OTUD7B: variants seen among roughly 807,000 people sequenced by gnomAD.
The protein encoded by OTUD7B is OTU domain-containing protein 7B.
Under a neutral mutation model 82.2 loss-of-function variants are expected in OTUD7B, and 34 were observed. The ratio of observed to expected loss-of-function variants is 0.41; its 90% confidence interval spans 0.31 to 0.55. The LOEUF is 0.55. Among genes scored for constraint, OTUD7B ranks in the 20% least tolerant of loss-of-function variants. The pLI, the probability that OTUD7B is intolerant of heterozygous loss-of-function variation, is 0.20. For missense variants in OTUD7B, 944 were observed against 1,062.1 expected (o/e 0.89, Z 1.55); for synonymous variants, 398 against 402.7 (o/e 0.99, Z 0.14).
At chr1:149,947,617 AAAATGGG>A (rs1553772457) in intron 10 of OTUD7B, among the ~76,000 whole-genome samples, 1 of 152,234 alleles carries the variant, frequency 6.6e-6, no homozygotes, top group African/African-American at 2.4e-5. Context: ...CAGTGTCTGG[AAAATGGG>A]AAATACTAGA....
chr1:149,951,218 G>A (rs868961896), intron 7 of OTUD7B, among the ~76,000 whole-genome samples: 12 of 151,846 alleles, frequency 7.9e-5, no homozygotes, highest in East Asian at 1.9e-4. Flanking sequence ...TGATCCGCCC[G>A]CCTCGGCCTC....
chr1:150,011,684 C>G (rs918666089), upstream of OTUD7B, among the ~76,000 whole-genome samples: 1 of 152,188 alleles, frequency 6.6e-6, no homozygotes, highest in Non-Finnish European at 1.5e-5. Flanking sequence ...AAACACAAAA[C>G]GATGCCAACC....
chr1:149,948,105 G>A lies in OTUD7B; in HGVS notation c.1239-770C>T, dbSNP rs587722923. Among the ~76,000 whole-genome samples, 4 of 149,774 alleles carry A rather than the reference G, an allele frequency of 2.7e-5. No individual in the cohort carries two copies. In the East Asian group the frequency reaches 8.0e-4, roughly 30 times the overall value. ...AGTTATTCTCCTGCCTCAGCCTCCC[G>A]AGTAGATGGGATTATAGACATGCAC... On this transcript the variant is annotated intron_variant, in intron 10 of 11. Coordinates refer to ENST00000581312, the MANE Select transcript of OTUD7B (RefSeq NM_020205.4).
intron 1 of OTUD7B, among the ~76,000 whole-genome samples, chr1:149,984,397 A>G (rs1453051200): frequency 6.6e-6 from 1 of 152,184 alleles, no homozygotes; most frequent in African/African-American, 2.4e-5. Flanking sequence ...TGGCTTATAT[A>G]TAAGATGAAC....
At chr1:149,951,306 G>A (rs1046538310) in intron 7 of OTUD7B, among the ~76,000 whole-genome samples, 5 of 150,670 alleles carry the variant, frequency 3.3e-5, no homozygotes, top group East Asian at 2.0e-4. Context: ...GGGTTTCACC[G>A]TGTTGGCCAG....
the OTUD7B span, among the ~76,000 whole-genome samples, chr1:150,039,809 T>A: frequency 6.6e-6 from 1 of 152,230 alleles, no homozygotes; most frequent in African/African-American, 2.4e-5. Flanking sequence ...ATTTTTTCAT[T>A]AGTTATTGTG....
intron 7 of OTUD7B, among the ~76,000 whole-genome samples, chr1:149,951,522 T>C (rs1477506094): frequency 6.6e-6 from 1 of 152,184 alleles, no homozygotes; most frequent in East Asian, 1.9e-4. Context: ...TCCACTTCAT[T>C]ATCCACTGGA....
At chr1:149,958,040 G>T (rs1553774917) in intron 7 of OTUD7B, among the ~76,000 whole-genome samples, 1 of 152,168 alleles carries the variant, frequency 6.6e-6, no homozygotes, top group Non-Finnish European at 1.5e-5. Context: ...TATACCCACT[G>T]TCCAACAAGC....
chr1:150,067,585 C>T, the OTUD7B span: 1 of 460,162 alleles, frequency 2.2e-6, no homozygotes, highest in East Asian at 3.5e-5. Flanking sequence ...GAGTCCGGGC[C>T]TCAGGCATCT....
At chr1:150,007,061 C>T (rs587597095) in intron 1 of OTUD7B, among the ~76,000 whole-genome samples, 1 of 152,304 alleles carries the variant, frequency 6.6e-6, no homozygotes, top group Admixed American at 6.5e-5. Context: ...CTGCTCTACT[C>T]ATGACTTGCC....
At chr1:150,030,335 T>C in the OTUD7B span, among the ~76,000 whole-genome samples, 22,425 of 152,048 alleles carry the variant, frequency 0.15, 1,819 homozygotes, top group African/African-American at 0.17. Context: ...TCTATCCTTA[T>C]CTCACACAAG....
the OTUD7B span, among the ~76,000 whole-genome samples, chr1:150,047,319 C>T: frequency 6.6e-6 from 1 of 152,162 alleles, no homozygotes; most frequent in African/African-American, 2.4e-5. Context: ...GCAAATGATT[C>T]CCTAACCACC....
At chr1:150,053,008 C>T in the OTUD7B span, among the ~76,000 whole-genome samples, 1 of 152,094 alleles carries the variant, frequency 6.6e-6, no homozygotes, top group Non-Finnish European at 1.5e-5. Context: ...AAACTGGACT[C>T]CTTCTTTACA....
the OTUD7B span, among the ~76,000 whole-genome samples, chr1:150,031,708 G>A: frequency 2.6e-5 from 4 of 152,134 alleles, no homozygotes; most frequent in African/African-American, 9.7e-5. Flanking sequence ...CCACCTTCCA[G>A]CTCTTTGACC....
chr1:149,996,521 A>G (rs1390402046), intron 1 of OTUD7B, among the ~76,000 whole-genome samples: 1 of 152,176 alleles, frequency 6.6e-6, no homozygotes, highest in Non-Finnish European at 1.5e-5. Flanking sequence ...TCTAAATCCT[A>G]CCTGTTACTT....
chr1:149,945,283 G>A (rs1647634125), intron 11 of OTUD7B, among the ~76,000 whole-genome samples: 1 of 152,218 alleles, frequency 6.6e-6, no homozygotes, highest in African/African-American at 2.4e-5. Context: ...GTCATGATGA[G>A]GGAAGGGTCA....
chr1:150,046,302 T>C, the OTUD7B span, among the ~76,000 whole-genome samples: 5 of 152,054 alleles, frequency 3.3e-5, no homozygotes, highest in African/African-American at 9.7e-5. Flanking sequence ...AACATCTCCA[T>C]CTCCCTGGCT....
intron 1 of OTUD7B, among the ~76,000 whole-genome samples, chr1:150,010,225 G>A (rs1652948961): frequency 1.3e-5 from 2 of 152,170 alleles, no homozygotes; most frequent in Admixed American, 1.3e-4. Flanking sequence ...AGAGCGCGGG[G>A]TAGGAACGCA....
chr1:149,958,566 G>T (rs1388345260), intron 7 of OTUD7B, among the ~76,000 whole-genome samples: 1 of 151,304 alleles, frequency 6.6e-6, no homozygotes, highest in African/African-American at 2.4e-5. Flanking sequence ...CGCCCACCTC[G>T]GCCTCCCAAA....
Sources: gnomAD v4.1 joint callset for allele counts (sites outside exome capture counted in the v4.1 genomes callset) on GRCh38, gnomAD v4.1.1 for gene constraint, MANE v1.5 for transcripts, NCBI Gene and HGNC (gene_info 2026-07-23, HGNC 2026-07-21) for gene names.